LRRC4: variants seen among roughly 807,000 people sequenced by gnomAD.
The protein encoded by LRRC4 is leucine-rich repeat-containing protein 4.
LRRC4 carries 11 observed loss-of-function variants against 37.9 expected under a neutral mutation model. The observed-to-expected ratio is 0.29, with a 90% CI of 0.18 to 0.48. The LOEUF is 0.48. LRRC4 is among the 20% of genes least tolerant of loss of function. The pLI, the probability that LRRC4 is intolerant of heterozygous loss-of-function variation, is 0.99. For missense variants in LRRC4, 717 were observed against 842.1 expected, an observed-to-expected ratio of 0.85 and a Z score of 1.84; for synonymous variants, 404 against 346.7, an observed-to-expected ratio of 1.17 and a Z score of -1.84.
chr7:128,029,602 A>C lies in LRRC4; in HGVS notation c.1039T>G (p.Ser347Ala), dbSNP rs770845437. The C allele has an allele frequency of 6.2e-7, 1 of 1,614,058 alleles. No homozygotes were observed. The highest frequency in any genetic ancestry group is 8.5e-7 in the Non-Finnish European group (1 of 1,180,012). Residue 347 changes from serine to alanine, a missense_variant, in exon 2 of 2, where the codon TCC becomes GCC. Ser to Ala is a moderately conservative substitution (Grantham distance 99). This residue lies in a region of LRRC4 where 293 missense variants were observed against 268.3 expected (regional missense o/e 1.09). Coordinates refer to ENST00000249363, the MANE Select transcript of LRRC4 (RefSeq NM_022143.5). The surrounding 1 kb of genome is among the most constrained non-coding windows in gnomAD (Gnocchi z 4.2). ...ATGAAGGGGGCAGAGCACTGGAAGGAGGCCTGGTCCACCTCCACGAGGTAG... is the reference window on the plus strand; with the variant it reads ...ATGAAGGGGGCAGAGCACTGGAAGGCGGCCTGGTCCACCTCCACGAGGTAG... ...GRYLVEVDQA[S>A]FQCSAPFIMD...
At position 128,028,581 on chromosome 7, in the gene LRRC4, TA is replaced by T; in HGVS notation, c.*97del. On this transcript the variant is annotated 3_prime_UTR_variant, in exon 2 of 2. Coordinates refer to ENST00000249363, the MANE Select transcript of LRRC4 (RefSeq NM_022143.5). ...TTAACCAGCCCATAGACTTAATATA[TA>T]AGCATATACAAGAAAAAGTCTCTCC... 1.8e-6 allele frequency: 2 copies of T among 1,132,716 alleles called. No homozygotes were observed. The highest frequency in any genetic ancestry group is 2.5e-6 in the Non-Finnish European group (2 of 789,456). The allele number at this position is 1,132,716 out of a possible 1,614,324, so 70.2% of individuals were successfully genotyped here. A position where few individuals can be genotyped will look rare whatever the true frequency, so the allele number is the denominator to read the frequency against.
rs1792555426 is a variant in LRRC4 at position 128,030,576 on chromosome 7, A to G, written c.65T>C (p.Val22Ala). 6.2e-7 allele frequency: 1 copy of G among 1,607,778 alleles called. No individual in the cohort carries two copies. Among genetic ancestry groups the G allele is most frequent in the South Asian group, 1.1e-5 (1 of 90,504 alleles). Residue 22 changes from valine (V) to alanine (A), a missense_variant, in exon 2 of 2, where the codon GTC becomes GCC. Physicochemically the swap from Val to Ala is moderately conservative, Grantham distance 64 (BLOSUM62 0). Coordinates refer to ENST00000249363, the MANE Select transcript of LRRC4 (RefSeq NM_022143.5). ...AATCCACACTTGCGCCGTGAGGTAG[A>G]CGAACGGGAGCAGGATGGCATTCCA... ...HTWNAILLPFVYLTAQVWILC... is the reference protein window; with the variant it reads ...HTWNAILLPFAYLTAQVWILC...
In LRRC4 at chr7:128,027,269, C is replaced by G. The variant is rs896987799; in HGVS notation, c.*1410G>C. On this transcript the variant is annotated 3_prime_UTR_variant, in exon 2 of 2. Transcript: ENST00000249363. ...GGACCAGAATAACAGAGATCTCTGC[C>G]TTCCCCACCCACGCCCACCCTTTCT... 4.6e-5 allele frequency: 7 copies of G among 152,284 alleles called. No individual in the cohort carries two copies. Among genetic ancestry groups the G allele is most frequent in the Non-Finnish European group, 7.4e-5 (5 of 67,986 alleles). 9.4% of individuals were successfully genotyped at this position (152,284 alleles called of 1,614,324 possible).
rs964467136 is a variant in LRRC4, at chr7:128,028,528, C to G, written c.*151G>C. 49 of 670,130 alleles carry G rather than the reference C, an allele frequency of 7.3e-5. No individual in the cohort carries two copies. The highest frequency in any genetic ancestry group is 4.8e-4 in the Middle Eastern group (1 of 2,066). 41.5% of individuals were successfully genotyped at this position (670,130 alleles called of 1,614,324 possible). ...AAATATTTTTGTTTTGACTTTTTGT[C>G]TTTAAATTTTAATATAATCTGTTTT... On this transcript the variant is annotated 3_prime_UTR_variant, in exon 2 of 2. Transcript: ENST00000249363.
Position 128,029,172 on chromosome 7 carries a change from G to C in LRRC4, c.1469C>G (p.Ser490Cys), listed in dbSNP as rs1198229726. 1 of 1,614,152 alleles carries C rather than the reference G, an allele frequency of 6.2e-7. No individual in the cohort carries two copies. Among genetic ancestry groups the C allele is most frequent in the Non-Finnish European group, 8.5e-7 (1 of 1,180,028 alleles). Residue 490 changes from serine (S) to cysteine (C), a missense_variant, in exon 2 of 2, where the codon TCT becomes TGT. By Grantham distance (112) the Ser-to-Cys change is moderately radical. This residue lies in a region of LRRC4 where 293 missense variants were observed against 268.3 expected (regional missense o/e 1.09). Transcript: ENST00000249363. The surrounding 1 kb of genome is among the most constrained non-coding windows in gnomAD (Gnocchi z 4.2). ...GGTAGTCTGAATGAGCACCGTGGTA[G>C]AGGTGGTATATGCCGGCTGGTAACC... ...STGYQPAYTTSTTVLIQTTRV... is the reference protein window; with the variant it reads ...STGYQPAYTTCTTVLIQTTRV...
At position 128,029,342 on chromosome 7, in the gene LRRC4, G is replaced by A. The variant is rs1217588631; in HGVS notation, c.1299C>T (p.Ser433=). 2.5e-6 allele frequency: 4 copies of A among 1,614,196 alleles called. No individual in the cohort carries two copies. Among genetic ancestry groups the A allele is most frequent in the Middle Eastern group, 1.6e-4 (1 of 6,062 alleles). The stretch of plus-strand genomic sequence containing the variant: ...TCACATTGAGGTAGGCCGAGGCGTT[G>A]GAGTTGCCTGCAACATTGGTCACCA... ...TCMVTNVAGN[S]NASAYLNVST... Residue 433 remains serine (S), a synonymous_variant, in exon 2 of 2, where the codon TCC becomes TCT. Coordinates refer to ENST00000249363, the MANE Select transcript of LRRC4 (RefSeq NM_022143.5). The surrounding 1 kb of genome is among the most constrained non-coding windows in gnomAD (Gnocchi z 4.2).
At position 128,029,676 on chromosome 7, in the gene LRRC4, T is replaced by C. The variant is rs777407443; in HGVS notation, c.965A>G (p.Asn322Ser). The C allele has an allele frequency of 1.7e-5, 28 of 1,613,760 alleles. No individual in the cohort carries two copies. Among genetic ancestry groups the C allele is most frequent in the East Asian group, 8.9e-5 (4 of 44,896 alleles). ...AWWLREYIPTNSTCCGRCHAP... is the reference protein window; with the variant it reads ...AWWLREYIPTSSTCCGRCHAP... Reference sequence around the variant, plus strand: ...ATGACAGCGGCCACAGCAGGTGGAATTGGTGGGTATATACTCTCGAAGCCA... The same window carrying C: ...ATGACAGCGGCCACAGCAGGTGGAACTGGTGGGTATATACTCTCGAAGCCA... Residue 322 changes from asparagine to serine, a missense_variant, in exon 2 of 2, where the codon AAT (asparagine) becomes AGT (serine). This residue lies in a region of LRRC4 where 293 missense variants were observed against 268.3 expected (regional missense o/e 1.09). Transcript: ENST00000249363. The surrounding 1 kb of genome is among the most constrained non-coding windows in gnomAD (Gnocchi z 4.2).
rs377451926 is a variant in LRRC4 at position 128,029,568 on chromosome 7, G to A, written c.1073C>T (p.Ala358Val). Residue 358 changes from alanine to valine, a missense_variant, in exon 2 of 2, where the codon GCA (alanine) becomes GTA (valine). By Grantham distance (64) the Ala-to-Val change is moderately conservative. This residue lies in a region of LRRC4 where 293 missense variants were observed against 268.3 expected (regional missense o/e 1.09). Coordinates refer to ENST00000249363, the MANE Select transcript of LRRC4 (RefSeq NM_022143.5). The surrounding 1 kb of genome is among the most constrained non-coding windows in gnomAD (Gnocchi z 4.2). Reference protein sequence around the residue: ...FQCSAPFIMDAPRDLNISEGR... With the variant: ...FQCSAPFIMDVPRDLNISEGR... The stretch of plus-strand genomic sequence containing the variant: ...CTCAGAAATGTTGAGGTCTCGAGGT[G>A]CGTCCATGATGAAGGGGGCAGAGCA... 23 of 1,613,974 alleles carry A rather than the reference G, an allele frequency of 1.4e-5. No individual in the cohort carries two copies. Among genetic ancestry groups the A allele is most frequent in the Non-Finnish European group, 1.9e-5 (23 of 1,180,034 alleles).
rs980465401 is a variant in LRRC4, at chr7:128,027,273, C to A, written c.*1406G>T. 6.6e-6 allele frequency: 1 copy of A among 152,060 alleles called. No individual in the cohort carries two copies. Among genetic ancestry groups the A allele is most frequent in the Non-Finnish European group, 1.5e-5 (1 of 67,944 alleles). 9.4% of individuals were successfully genotyped at this position (152,060 alleles called of 1,614,324 possible). On this transcript the variant is annotated 3_prime_UTR_variant, in exon 2 of 2. Coordinates refer to ENST00000249363, the MANE Select transcript of LRRC4 (RefSeq NM_022143.5). ...CAGAATAACAGAGATCTCTGCCTTC[C>A]CCACCCACGCCCACCCTTTCTCTTC...
Position 128,029,302 on chromosome 7 carries a change from T to A in LRRC4, c.1339A>T (p.Asn447Tyr). 1 of 1,614,116 alleles carries A rather than the reference T, an allele frequency of 6.2e-7. No individual in the cohort carries two copies. The change falls in exon 2 of 2, where the codon AAC becomes TAC. Residue 447 changes from asparagine to tyrosine, a missense_variant. By Grantham distance (143) the Asn-to-Tyr change is moderately radical. Transcript: ENST00000249363. This position sits in a 1 kb window ranked among gnomAD's most constrained non-coding sequence, Gnocchi z 4.2. Reference sequence around the variant, plus strand: ...GTGAAGAAGCTGTAGTTGGAGGTGTTAAGCTCAGCCGTGCTCACATTGAGG... The same window carrying A: ...GTGAAGAAGCTGTAGTTGGAGGTGTAAAGCTCAGCCGTGCTCACATTGAGG... ...AYLNVSTAELNTSNYSFFTTV... is the reference protein window; with the variant it reads ...AYLNVSTAELYTSNYSFFTTV...
Position 128,028,815 on chromosome 7 carries a change from G to A in LRRC4, c.1826C>T (p.Thr609Ile), listed in dbSNP as rs1485753393. ...PTIHDHINYNTYKPAHGAHWT... is the reference protein window; with the variant it reads ...PTIHDHINYNIYKPAHGAHWT... ...GTGGGCCCCATGTGCTGGTTTGTAG[G>A]TGTTGTAGTTAATATGGTCATGAAT... The change falls in exon 2 of 2, where the codon ACC (threonine) becomes ATC (isoleucine). Residue 609 changes from threonine (T) to isoleucine (I), a missense_variant. By Grantham distance (89) the Thr-to-Ile change is moderately conservative. Coordinates refer to ENST00000249363, the MANE Select transcript of LRRC4 (RefSeq NM_022143.5). The A allele has an allele frequency of 1.2e-6, 2 of 1,614,042 alleles. No individual in the cohort carries two copies. Among genetic ancestry groups the A allele is most frequent in the African/African-American group, 1.3e-5 (1 of 74,926 alleles).
Position 128,029,508 on chromosome 7 carries a change from G to A in LRRC4, c.1133C>T (p.Pro378Leu). ...RMAELKCRTP[P>L]MSSVKWLLPN... is the part of the protein sequence containing the mutation. ...CAGCAACCACTTCACGGAGGACATAGGGGGAGTCCGACACTTAAGTTCTGC... is the reference window on the plus strand; with the variant it reads ...CAGCAACCACTTCACGGAGGACATAAGGGGAGTCCGACACTTAAGTTCTGC... Residue 378 changes from proline to leucine, a missense_variant, in exon 2 of 2, where the codon CCT becomes CTT. By Grantham distance (98) the Pro-to-Leu change is moderately conservative. Around this residue, in one of 5 missense-constraint regions of LRRC4, gnomAD observed 293 missense variants for 268.3 expected, o/e 1.09. Transcript: ENST00000249363. This position sits in a 1 kb window ranked among gnomAD's most constrained non-coding sequence, Gnocchi z 4.2. The A allele has an allele frequency of 3.7e-6, 6 of 1,614,112 alleles. No individual in the cohort carries two copies. Among genetic ancestry groups the A allele is most frequent in the Non-Finnish European group, 5.1e-6 (6 of 1,180,036 alleles).
In LRRC4 at chr7:128,028,657, T is replaced by C; in HGVS notation, c.*22A>G. On this transcript the variant is annotated 3_prime_UTR_variant, in exon 2 of 2. Coordinates refer to ENST00000249363, the MANE Select transcript of LRRC4 (RefSeq NM_022143.5). ...TTTGTGTGCATTCTATTGCATTTTA[T>C]AAGTTTTTTGGGGGAGGGGAGTCAT... The C allele has an allele frequency of 1.3e-6, 2 of 1,592,788 alleles. No homozygotes were observed. The highest frequency in any genetic ancestry group is 1.7e-6 in the Non-Finnish European group (2 of 1,169,048).
At position 128,028,591 on chromosome 7, in the gene LRRC4, C is replaced by A; in HGVS notation, c.*88G>T. On this transcript the variant is annotated 3_prime_UTR_variant, in exon 2 of 2. Transcript: ENST00000249363. The stretch of plus-strand genomic sequence containing the variant: ...CATAGACTTAATATATAAGCATATA[C>A]AAGAAAAAGTCTCTCCCCACTCTGT... 8.0e-7 allele frequency: 1 copy of A among 1,250,226 alleles called. No homozygotes were observed. The highest frequency in any genetic ancestry group is 1.1e-6 in the Non-Finnish European group (1 of 894,876). The allele number at this position is 1,250,226 out of a possible 1,614,324, so 77.4% of individuals were successfully genotyped here. A position where few individuals can be genotyped will look rare whatever the true frequency, so the allele number is the denominator to read the frequency against.
rs772976701 is a variant in LRRC4 at position 128,029,170 on chromosome 7, T to A, written c.1471A>T (p.Thr491Ser). The change falls in exon 2 of 2, where the codon ACC (threonine) becomes TCC (serine). Residue 491 changes from threonine (T) to serine (S), a missense_variant. Physicochemically the swap from Thr to Ser is moderately conservative, Grantham distance 58. Transcript: ENST00000249363. The surrounding 1 kb of genome is among the most constrained non-coding windows in gnomAD (Gnocchi z 4.2). ...TGYQPAYTTS[T>S]TVLIQTTRVP... ...CGGGTAGTCTGAATGAGCACCGTGG[T>A]AGAGGTGGTATATGCCGGCTGGTAA... 6.2e-7 allele frequency: 1 copy of A among 1,614,054 alleles called. No individual in the cohort carries two copies. The highest frequency in any genetic ancestry group is 1.1e-5 in the South Asian group (1 of 91,072).
At position 128,029,518 on chromosome 7, in the gene LRRC4, G is replaced by T; in HGVS notation, c.1123C>A (p.Arg375=). The change falls in exon 2 of 2, where the codon CGG becomes AGG. Residue 375 remains arginine (R), a synonymous_variant. Transcript: ENST00000249363. This position sits in a 1 kb window ranked among gnomAD's most constrained non-coding sequence, Gnocchi z 4.2. ...SEGRMAELKC[R]TPPMSSVKWL... ...TTCACGGAGGACATAGGGGGAGTCC[G>T]ACACTTAAGTTCTGCCATCCGACCC... The T allele has an allele frequency of 1.2e-6, 2 of 1,614,074 alleles. No homozygotes were observed. Among genetic ancestry groups the T allele is most frequent in the Non-Finnish European group, 1.7e-6 (2 of 1,180,024 alleles).
Position 128,030,634 on chromosome 7 carries a change from G to C in LRRC4, c.7C>G (p.Leu3Val). The C allele has an allele frequency of 1.3e-6, 2 of 1,557,490 alleles. No homozygotes were observed. The highest frequency in any genetic ancestry group is 1.4e-5 in the African/African-American group (1 of 73,678). The change falls in exon 2 of 2, where the codon CTC becomes GTC. Residue 3 changes from leucine (L) to valine (V), a missense_variant. By Grantham distance (32) the Leu-to-Val change is conservative. Around this residue, in one of 5 missense-constraint regions of LRRC4, gnomAD observed 127 missense variants for 134.8 expected, o/e 0.94. Coordinates refer to ENST00000249363, the MANE Select transcript of LRRC4 (RefSeq NM_022143.5). The stretch of plus-strand genomic sequence containing the variant: ...TGGTGCACAGTTACCTGCCACAAGA[G>C]CTTCATGGTGTGGCACGTTCATAAT... MK[L>V]LWQVTVHHHT...
At position 128,029,308 on chromosome 7, in the gene LRRC4, C is replaced by T. The variant is rs1321712899; in HGVS notation, c.1333G>A (p.Glu445Lys). The T allele has an allele frequency of 6.2e-7, 1 of 1,614,172 alleles. No homozygotes were observed. The highest frequency in any genetic ancestry group is 8.5e-7 in the Non-Finnish European group (1 of 1,180,038). ...ASAYLNVSTA[E>K]LNTSNYSFFT... Reference sequence around the variant, plus strand: ...AAGCTGTAGTTGGAGGTGTTAAGCTCAGCCGTGCTCACATTGAGGTAGGCC... The same window carrying T: ...AAGCTGTAGTTGGAGGTGTTAAGCTTAGCCGTGCTCACATTGAGGTAGGCC... Residue 445 changes from glutamate (E) to lysine (K), a missense_variant, in exon 2 of 2, where the codon GAG becomes AAG. This residue lies in a region of LRRC4 where 293 missense variants were observed against 268.3 expected (regional missense o/e 1.09). Coordinates refer to ENST00000249363, the MANE Select transcript of LRRC4 (RefSeq NM_022143.5). This position sits in a 1 kb window ranked among gnomAD's most constrained non-coding sequence, Gnocchi z 4.2.
chr7:128,030,635 C>T lies in LRRC4; in HGVS notation c.6G>A (p.Lys2=), dbSNP rs1792560567. 6.4e-7 allele frequency: 1 copy of T among 1,557,426 alleles called. No individual in the cohort carries two copies. ...GGTGCACAGTTACCTGCCACAAGAG[C>T]TTCATGGTGTGGCACGTTCATAATT... M[K]LLWQVTVHHH... The change falls in exon 2 of 2, where the codon AAG becomes AAA. Residue 2 remains lysine, a synonymous_variant. Coordinates refer to ENST00000249363, the MANE Select transcript of LRRC4 (RefSeq NM_022143.5).
Sources: gnomAD v4.1 joint callset for allele counts on GRCh38, gnomAD v4.1.1 for gene constraint, gnomAD v4.1.1 regional missense constraint, Gnocchi (gnomAD v3.1) non-coding constraint, MANE v1.5 for transcripts, NCBI Gene and HGNC (gene_info 2026-07-23, HGNC 2026-07-21) for gene names.